Variants in AGAP5 observed in about 807,000 individuals in gnomAD.
The protein encoded by AGAP5 is ArfGAP with GTPase domain, ankyrin repeat and PH domain 5.
AGAP5 carries 8 observed loss-of-function variants against 27.7 expected under a neutral mutation model. The observed-to-expected ratio is 0.29, with a 90% confidence interval of 0.17 to 0.52. AGAP5 has a LOEUF of 0.52. Ranked by LOEUF, AGAP5 falls within the 20% of genes least tolerant of loss-of-function variation. The probability of loss-of-function intolerance (pLI) is 0.97; values close to 1 mark genes in which losing one functional copy is unlikely to be tolerated. For synonymous variants in AGAP5, 111 were observed against 338.0 expected, an observed-to-expected ratio of 0.33 and a Z score of 7.37; for missense variants, 285 against 880.8, an observed-to-expected ratio of 0.32 and a Z score of 8.56.
At chr10:73,691,247 G>C (rs1344842837) in intron 4 of AGAP5, among the ~76,000 whole-genome samples, 1 of 152,224 alleles carries the variant, frequency 6.6e-6, no homozygotes, top group East Asian at 1.9e-4. Flanking sequence ...CAGAGGCACA[G>C]TGAAAACACC....
At chr10:73,682,880 T>A in intron 4 of AGAP5, 86 bp from the exon 5 acceptor site, 3 of 1,284,422 alleles carry the variant, frequency 2.3e-6, no homozygotes, top group Non-Finnish European at 2.1e-6. Context: ...CACTAAGATA[T>A]GTCTTACACT....
At position 73,697,147 on chromosome 10, in the gene AGAP5, A is replaced by G. The variant is rs762732960; in HGVS notation, c.240T>C (p.Leu80=). The G allele has an allele frequency of 1.9e-5, 31 of 1,598,164 alleles. No homozygotes were observed. In the African/African-American group the frequency reaches 4.0e-4, roughly 21 times the overall value. ...QEMPEALEFS[L]SANPEASTIF... ...TTGTGCTTGCCTCTGGATTGGCAGA[A>G]AGGCTAAACTCCAAAGCTATATGTA... The change falls in exon 2 of 8, where the codon CTT becomes CTC. Residue 80 remains leucine, a synonymous_variant. Transcript: ENST00000374094.
rs546174156 is a variant in AGAP5 at position 73,687,617 on chromosome 10, A to G, written c.396+4426T>C. On this transcript the variant is annotated intron_variant, in intron 4 of 7. Transcript: ENST00000374094. ...AAATATTAAACAAGGCCTTAGGAGA[A>G]AAGTGTAATATGCTTATTATACATA... Among the ~76,000 whole-genome samples, 4 of 152,350 alleles carry G rather than the reference A, an allele frequency of 2.6e-5. No individual in the cohort carries two copies. The South Asian group carries it at 8.3e-4, about 32-fold the overall frequency.
intron 4 of AGAP5, among the ~76,000 whole-genome samples, chr10:73,691,487 A>AG (rs1167497547): frequency 6.7e-6 from 1 of 148,648 alleles, no homozygotes; most frequent in Admixed American, 6.7e-5. Context: ...TAAATATTTA[A>AG]GGCACTTTTT....
At chr10:73,685,773 G>A (rs1181569202) in intron 4 of AGAP5, among the ~76,000 whole-genome samples, 4 of 151,968 alleles carry the variant, frequency 2.6e-5, no homozygotes, top group Admixed American at 6.6e-5. Context: ...GGCTGGTCTC[G>A]AACTCCTGAC....
chr10:73,685,173 TTTCTC>T (rs1432056056), intron 4 of AGAP5, among the ~76,000 whole-genome samples: 4 of 88,132 alleles, frequency 4.5e-5, no homozygotes, highest in African/African-American at 1.9e-4. Context: ...CTTTTATTGT[TTTCTC>T]TTGTGTGATT....
intron 4 of AGAP5, among the ~76,000 whole-genome samples, chr10:73,685,241 A>G (rs1273215662): frequency 8.5e-6 from 1 of 118,082 alleles, no homozygotes; most frequent in African/African-American, 3.3e-5. Flanking sequence ...GAGAGTGGGC[A>G]TCCTTGTCTT....
At chr10:73,690,505 A>AGAG (rs1016703653) in intron 4 of AGAP5, among the ~76,000 whole-genome samples, 3 of 151,850 alleles carry the variant, frequency 2.0e-5, no homozygotes, top group Non-Finnish European at 2.9e-5. Context: ...TAGGAAAACC[A>AGAG]GAGACCTTTG....
At chr10:73,676,382 A>G (rs2081980091) in intron 7 of AGAP5, among the ~76,000 whole-genome samples, 1 of 139,490 alleles carries the variant, frequency 7.2e-6, no homozygotes, top group Non-Finnish European at 1.6e-5. Flanking sequence ...CGGGAGGCTG[A>G]GGCAGGAGAA....
In AGAP5 at chr10:73,697,606, C is replaced by T; in HGVS notation, c.150G>A (p.Gln50=). Residue 50 remains glutamine (Q), a synonymous_variant, in exon 1 of 8, where the codon CAG becomes CAA. Coordinates refer to ENST00000374094, the MANE Select transcript of AGAP5 (RefSeq NM_001144000.4). ...MAGAPMAAAV[Q]PAEVTVEVGE... is the part of the protein sequence containing the mutation. ...CAACTTCAACGGTCACCTCAGCAGG[C>T]TGCACAGCAGCAGCCATGGGCGCTC... is the stretch of plus-strand genomic sequence containing the variant. 6.2e-7 allele frequency: 1 copy of T among 1,610,996 alleles called. No individual in the cohort carries two copies. The highest frequency in any genetic ancestry group is 1.7e-4 in the Middle Eastern group (1 of 5,826).
At chr10:73,677,878 T>C (rs1485962921) in intron 6 of AGAP5, among the ~76,000 whole-genome samples, 1 of 152,114 alleles carries the variant, frequency 6.6e-6, no homozygotes, top group Non-Finnish European at 1.5e-5. Flanking sequence ...TAGTAGTCCC[T>C]TTCACTGTCC....
Position 73,676,162 on chromosome 10 carries a change from G to T in AGAP5, c.586-88C>A. On this transcript the variant is annotated intron_variant, in intron 7 of 7. Coordinates refer to ENST00000374094, the MANE Select transcript of AGAP5 (RefSeq NM_001144000.4). Reference sequence around the variant, plus strand: ...ACAGCTTACAATTACCTTTTAAAAAGATACATTTTCTGGGCCAGGCATGGT... The same window carrying T: ...ACAGCTTACAATTACCTTTTAAAAATATACATTTTCTGGGCCAGGCATGGT... 3 of 1,593,696 alleles carry T rather than the reference G, an allele frequency of 1.9e-6. No homozygotes were observed. In the South Asian group the frequency reaches 3.4e-5, roughly 18 times the overall value.
chr10:73,678,330 C>T (rs933577483), intron 6 of AGAP5, among the ~76,000 whole-genome samples: 6 of 151,702 alleles, frequency 4.0e-5, no homozygotes, highest in Admixed American at 2.6e-4. Flanking sequence ...GAGATCATGC[C>T]AATGCACTCC....
At chr10:73,678,999 A>T (rs1478753750) in intron 6 of AGAP5, among the ~76,000 whole-genome samples, 1 of 150,180 alleles carries the variant, frequency 6.7e-6, no homozygotes, top group Non-Finnish European at 1.5e-5. Flanking sequence ...GACTACAGGC[A>T]TGCACTACCA....
At chr10:73,690,999 A>G (rs1258258973) in intron 4 of AGAP5, among the ~76,000 whole-genome samples, 2 of 152,258 alleles carry the variant, frequency 1.3e-5, no homozygotes, top group African/African-American at 4.8e-5. Context: ...GCATGTGATA[A>G]ATGCTACAAT....
chr10:73,674,739 G>A lies in AGAP5; in HGVS notation c.1921C>T (p.Gln641Ter). The A allele has an allele frequency of 6.2e-7, 1 of 1,612,152 alleles. No individual in the cohort carries two copies. Residue 641 changes from glutamine to a stop codon, truncating the protein, a stop_gained, in exon 8 of 8, where the codon CAG becomes TAG. Coordinates refer to ENST00000374094, the MANE Select transcript of AGAP5 (RefSeq NM_001144000.4). LOFTEE classifies it high-confidence loss of function. The stretch of plus-strand genomic sequence containing the variant: ...TCCACCCCGTACCAGATCAGGAGCT[G>A]TGCCAGGACCACATTCCCCTTGCGG... ...ACRKGNVVLA[Q>*]LLIWYGVDVM...
intron 4 of AGAP5, among the ~76,000 whole-genome samples, chr10:73,689,994 GC>G (rs1017829523): frequency 5.3e-5 from 8 of 151,270 alleles, no homozygotes; most frequent in East Asian, 2.0e-4. Flanking sequence ...TGGGGGGTCA[GC>G]CCCCCGCCTG....
At chr10:73,679,535 GAGAGACTTTAAATAATATAA>G (rs1468790458) in intron 6 of AGAP5, among the ~76,000 whole-genome samples, 3 of 151,618 alleles carry the variant, frequency 2.0e-5, no homozygotes, top group Non-Finnish European at 4.4e-5. Context: ...AGCTCAACAT[GAGAGACTTTAAATAATATAA>G]ACAAATGACA....
At position 73,697,412 on chromosome 10, in the gene AGAP5, C is replaced by T. The variant is rs573859748; in HGVS notation, c.223+121G>A. The T allele has an allele frequency of 1.8e-5, 28 of 1,585,608 alleles. No individual in the cohort carries two copies. The South Asian group carries it at 3.0e-4, about 17-fold the overall frequency. ...GAGCCAGCTTTTGTTCCTGGCCAGC[C>T]CCCGGGAAAGCTGGCTACAAGCAGA... On this transcript the variant is annotated intron_variant, in intron 1 of 7. Transcript: ENST00000374094.
Sources: gnomAD v4.1 joint callset for allele counts (sites outside exome capture counted in the v4.1 genomes callset) on GRCh38, gnomAD v4.1.1 for gene constraint, MANE v1.5 for transcripts, NCBI Gene and HGNC (gene_info 2026-07-23, HGNC 2026-07-21) for gene names.